Variants in FNDC3B observed in about 807,000 individuals in gnomAD.
FNDC3B encodes the protein fibronectin type III domain-containing protein 3B.
FNDC3B carries 12 observed loss-of-function variants against 151.5 expected under a neutral mutation model. The observed-to-expected ratio is 0.08, with a 90% CI of 0.05 to 0.13. The LOEUF is 0.13. Ranked by LOEUF, FNDC3B falls within the 10% of genes least tolerant of loss-of-function variation. FNDC3B has a pLI of 1.00. For missense variants in FNDC3B, 1,214 were observed against 1,505.3 expected, an observed-to-expected ratio of 0.81 and a Z score of 3.20; for synonymous variants, 528 against 549.0, an observed-to-expected ratio of 0.96 and a Z score of 0.54.
intron 1 of FNDC3B, among the ~76,000 whole-genome samples, chr3:172,069,510 A>G (rs886164552): frequency 6.6e-6 from 1 of 152,202 alleles, no homozygotes; most frequent in Non-Finnish European, 1.5e-5. Context: ...ATACATGTAC[A>G]GAACGTGTGG....
intron 23 of FNDC3B, among the ~76,000 whole-genome samples, chr3:172,376,101 T>C (rs1321482154): frequency 1.3e-5 from 2 of 152,224 alleles, no homozygotes; most frequent in Admixed American, 1.3e-4. Context: ...ACTATGTTTT[T>C]CATAAATTGG....
intron 1 of FNDC3B, among the ~76,000 whole-genome samples, chr3:172,052,444 A>C (rs1005928272): frequency 1.3e-5 from 2 of 152,140 alleles, no homozygotes; most frequent in African/African-American, 4.8e-5. Context: ...CTCCTCCCCC[A>C]AATGTGCCTT....
chr3:172,378,623 T>C (rs553480428), intron 24 of FNDC3B, among the ~76,000 whole-genome samples, 187 bp downstream of exon 24: 148 of 152,326 alleles, frequency 9.7e-4, no homozygotes, highest in African/African-American at 3.5e-3. Context: ...GGAAAGGGCC[T>C]ACTGATGACT....
chr3:172,119,990 A>G (rs1388728455), intron 2 of FNDC3B, among the ~76,000 whole-genome samples: 1 of 152,216 alleles, frequency 6.6e-6, no homozygotes, highest in Non-Finnish European at 1.5e-5. Context: ...TCTCTGAGTT[A>G]GTTTTGCCAA....
intron 25 of FNDC3B, among the ~76,000 whole-genome samples, chr3:172,392,802 T>TTTTTTTTA: frequency 2.1e-5 from 1 of 46,836 alleles, no homozygotes; most frequent in Non-Finnish European, 5.7e-5. Flanking sequence ...TTTTTTCTTT[T>TTTTTTTTA]TTTTTTTCTT....
intron 3 of FNDC3B, among the ~76,000 whole-genome samples, chr3:172,223,882 G>A (rs188719169): frequency 6.6e-6 from 1 of 152,368 alleles, no homozygotes; most frequent in Non-Finnish European, 1.5e-5. Context: ...AGTGATTATT[G>A]TGCCATGCAC....
At position 172,168,873 on chromosome 3, in the gene FNDC3B, G is replaced by A. The variant is rs375024797; in HGVS notation, c.187+35327G>A. 1.5e-3 allele frequency among the ~76,000 whole-genome samples: 221 copies of A among 150,992 alleles called. 2 individuals are homozygous for A. The highest frequency in any genetic ancestry group is 5.3e-3 in the African/African-American group (216 of 41,080). On this transcript the variant is annotated intron_variant, in intron 3 of 25. Coordinates refer to ENST00000415807, the MANE Select transcript of FNDC3B (RefSeq NM_022763.4). ...GACTACAGGCGGCGCCACCACTCCC[G>A]GCTAATTTTTGTTATTTTTGCTAGA...
intron 11 of FNDC3B, among the ~76,000 whole-genome samples, chr3:172,325,065 A>G (rs1308497644): frequency 6.6e-6 from 1 of 152,242 alleles, no homozygotes; most frequent in Non-Finnish European, 1.5e-5. Context: ...TAGCAGCCGT[A>G]GCTGGCCAGG....
intron 21 of FNDC3B, among the ~76,000 whole-genome samples, chr3:172,349,257 G>C (rs963428601): frequency 6.6e-6 from 1 of 152,170 alleles, no homozygotes; most frequent in Non-Finnish European, 1.5e-5. Flanking sequence ...GCCAGCGTGG[G>C]CGACAGAGTG....
At chr3:172,349,805 G>T (rs1310272296) in intron 21 of FNDC3B, among the ~76,000 whole-genome samples, 1 of 152,054 alleles carries the variant, frequency 6.6e-6, no homozygotes, top group Non-Finnish European at 1.5e-5. Flanking sequence ...ACAGGCGCCT[G>T]CCACCACGCC....
intron 3 of FNDC3B, chr3:172,186,926 G>T: frequency 1.9e-6 from 1 of 527,618 alleles, no homozygotes; most frequent in Non-Finnish European, 3.3e-6. Context: ...TCAACAATGT[G>T]ATTCAATTTT....
At chr3:172,149,125 A>G (rs1477907536) in intron 3 of FNDC3B, among the ~76,000 whole-genome samples, 1 of 152,182 alleles carries the variant, frequency 6.6e-6, no homozygotes, top group Non-Finnish European at 1.5e-5. Flanking sequence ...AATTTGTTTC[A>G]AGCCTGTTTC....
chr3:172,228,829 A>G (rs988396345), intron 4 of FNDC3B, among the ~76,000 whole-genome samples: 1 of 152,208 alleles, frequency 6.6e-6, no homozygotes, highest in African/African-American at 2.4e-5. Flanking sequence ...GTGCAAAGTT[A>G]AATGACCTTC....
intron 6 of FNDC3B, among the ~76,000 whole-genome samples, chr3:172,269,940 C>T (rs558210139): frequency 2.5e-4 from 38 of 152,324 alleles, no homozygotes; most frequent in African/African-American, 7.0e-4. Flanking sequence ...AGCCACCGCA[C>T]GCGGCCTAAA....
chr3:172,276,277 A>C (rs923940384), intron 6 of FNDC3B, among the ~76,000 whole-genome samples: 1 of 152,232 alleles, frequency 6.6e-6, no homozygotes, highest in Non-Finnish European at 1.5e-5. Flanking sequence ...GTTCCAAACC[A>C]GAAGTCACAA....
At chr3:172,380,548 C>A (rs1039482168) in intron 24 of FNDC3B, among the ~76,000 whole-genome samples, 1 of 152,080 alleles carries the variant, frequency 6.6e-6, no homozygotes, top group Non-Finnish European at 1.5e-5. Context: ...CCTGATGTTT[C>A]TTTTTGTATG....
intron 1 of FNDC3B, among the ~76,000 whole-genome samples, chr3:172,050,683 C>T (rs563489885): frequency 6.8e-6 from 1 of 147,672 alleles, no homozygotes; most frequent in South Asian, 2.2e-4. Flanking sequence ...CACGCCCAGC[C>T]TTTGTGGGTA....
At chr3:172,311,472 C>A (rs895956854) in intron 11 of FNDC3B, among the ~76,000 whole-genome samples, 2 of 152,108 alleles carry the variant, frequency 1.3e-5, no homozygotes, top group Non-Finnish European at 2.9e-5. Context: ...CTCAAAGCCA[C>A]TGTGTGCCAA....
At chr3:172,152,440 G>A (rs1722273639) in intron 3 of FNDC3B, among the ~76,000 whole-genome samples, 1 of 152,154 alleles carries the variant, frequency 6.6e-6, no homozygotes, top group East Asian at 1.9e-4. Context: ...TTCCACGGGT[G>A]TGTTGCATTG....
Sources: allele counts gnomAD v4.1 joint callset (sites outside exome capture counted in the v4.1 genomes callset), GRCh38; gene constraint gnomAD v4.1.1; transcripts MANE v1.5; gene names NCBI Gene and HGNC (gene_info 2026-07-23, HGNC 2026-07-21).